PDPR: variants seen among roughly 807,000 people sequenced by gnomAD.
PDPR encodes the protein pyruvate dehydrogenase phosphatase regulatory subunit, mitochondrial.
A neutral mutation model predicts 102.2 loss-of-function variants in PDPR; 50 were observed. The ratio of observed to expected loss-of-function variants is 0.49; its 90% CI spans 0.39 to 0.62. The LOEUF (loss-of-function observed/expected upper bound fraction) is 0.62. PDPR is among the 20% of genes least tolerant of loss of function. The pLI is 0.00. For synonymous variants in PDPR, 259 were observed against 406.0 expected (o/e 0.64, Z 4.35); for missense variants, 625 against 1,098.2 (o/e 0.57, Z 6.09).
chr16:70,130,113 T>TA (rs1964386853), intron 6 of PDPR, among the ~76,000 whole-genome samples: 1 of 152,196 alleles, frequency 6.6e-6, no homozygotes, highest in Non-Finnish European at 1.5e-5. Context: ...ACCAACATGG[T>TA]AAAACCCCAT....
At chr16:70,114,703 C>T (rs1386726491) in intron 1 of PDPR, 118 bp from the exon 2 acceptor site, 2 of 152,474 alleles carry the variant, frequency 1.3e-5, no homozygotes, top group Admixed American at 6.5e-5. Context: ...GGAGCCTGCA[C>T]TTCAGCCCCG....
intron 17 of PDPR, among the ~76,000 whole-genome samples, chr16:70,150,158 C>T (rs1188348941): frequency 2.2e-5 from 3 of 139,070 alleles, no homozygotes; most frequent in East Asian, 2.2e-4. Context: ...GGCTGGAGTG[C>T]GATGACATGA....
chr16:70,128,241 T>A (rs1246268309), intron 4 of PDPR, among the ~76,000 whole-genome samples: 1 of 152,344 alleles, frequency 6.6e-6, no homozygotes, highest in Non-Finnish European at 1.5e-5. Context: ...TTTTTCTTTT[T>A]TTTAAAGACA....
Position 70,157,317 on chromosome 16 carries a change from G to C in PDPR, c.*438G>C. On this transcript the variant is annotated 3_prime_UTR_variant, in exon 19 of 19. Transcript: ENST00000288050. ...GCAGCCTATTAGTTCTGGTGGGGTTGCCGTGTGTCGGATGCAGCCCTGAGG... is the reference window on the plus strand; with the variant it reads ...GCAGCCTATTAGTTCTGGTGGGGTTCCCGTGTGTCGGATGCAGCCCTGAGG... 2.5e-6 allele frequency: 1 copy of C among 406,462 alleles called. No homozygotes were observed. The allele number at this position is 406,462 out of a possible 1,614,324, so 25.2% of individuals were successfully genotyped here.
In PDPR at chr16:70,162,536, C is replaced by G. The variant is rs984518711; in HGVS notation, c.*5657C>G. 4 of 152,476 alleles carry G rather than the reference C, an allele frequency of 2.6e-5. No individual in the cohort carries two copies. The highest frequency in any genetic ancestry group is 4.4e-5 in the Non-Finnish European group (3 of 68,158). The allele number at this position is 152,476 out of a possible 1,614,324, so 9.4% of individuals were successfully genotyped here. Reference sequence around the variant, plus strand: ...AATAAACACATTTTAACTACTCTTGCACGGCTGCTTGTGAAATGTTCTTCA... The same window carrying G: ...AATAAACACATTTTAACTACTCTTGGACGGCTGCTTGTGAAATGTTCTTCA... On this transcript the variant is annotated 3_prime_UTR_variant, in exon 19 of 19. Coordinates refer to ENST00000288050, the MANE Select transcript of PDPR (RefSeq NM_017990.5).
In PDPR at chr16:70,134,068, A is replaced by C. The variant is rs2152086560; in HGVS notation, c.997+1768A>C. 2.6e-5 allele frequency among the ~76,000 whole-genome samples: 4 copies of C among 152,338 alleles called. No individual in the cohort carries two copies. The South Asian group carries it at 8.3e-4, about 32-fold the overall frequency. ...CTTTATTCACCTAAAATTATTGCTC[A>C]GATTTTAGGTTTTAGGAGGAGACTT... On this transcript the variant is annotated intron_variant, in intron 9 of 18. Coordinates refer to ENST00000288050, the MANE Select transcript of PDPR (RefSeq NM_017990.5).
At chr16:70,130,343 T>G (rs1324891329) in intron 6 of PDPR, 80 bp from the exon 7 acceptor site, 2 of 1,478,136 alleles carry the variant, frequency 1.4e-6, no homozygotes, top group Non-Finnish European at 1.8e-6. Flanking sequence ...CAGTGTTTCT[T>G]CTGGGTGGAG....
intron 15 of PDPR, chr16:70,145,844 G>A (rs1966198224): frequency 4.2e-6 from 2 of 481,820 alleles, no homozygotes; most frequent in African/African-American, 3.9e-5. Flanking sequence ...GTACTGATTT[G>A]GGGTTGGGGC....
chr16:70,137,046 G>A (rs1160549927), intron 10 of PDPR, among the ~76,000 whole-genome samples: 22 of 149,690 alleles, frequency 1.5e-4, no homozygotes, highest in Admixed American at 1.3e-3. Flanking sequence ...CCGGCCACAA[G>A]TTTTTATTTA....
At chr16:70,126,063 A>G (rs77641538) in intron 3 of PDPR, among the ~76,000 whole-genome samples, 5,240 of 149,884 alleles carry the variant, frequency 0.035, no homozygotes, top group East Asian at 0.2. Flanking sequence ...CATTTATTAT[A>G]TTTTTTCTCT....
rs1323711736 is a variant in PDPR, at chr16:70,156,985, C to A, written c.*106C>A. The A allele has an allele frequency of 1.4e-6, 2 of 1,448,836 alleles. No individual in the cohort carries two copies. Among genetic ancestry groups the A allele is most frequent in the East Asian group, 2.5e-5 (1 of 40,300 alleles). The allele number at this position is 1,448,836 out of a possible 1,614,324, so 89.7% of individuals were successfully genotyped here. A position where few individuals can be genotyped will look rare whatever the true frequency, so the allele number is the denominator to read the frequency against. Reference sequence around the variant, plus strand: ...TCTGTTCCTCTTCTGGAGCCTTTGCCTCCCATCTCTTATCTCCTTGATATA... The same window carrying A: ...TCTGTTCCTCTTCTGGAGCCTTTGCATCCCATCTCTTATCTCCTTGATATA... On this transcript the variant is annotated 3_prime_UTR_variant, in exon 19 of 19. Transcript: ENST00000288050.
Position 70,155,586 on chromosome 16 carries a change from C to T in PDPR, c.2236-889C>T, listed in dbSNP as rs1967065655. On this transcript the variant is annotated intron_variant, in intron 18 of 18. Transcript: ENST00000288050. ...TCTTTTTTTAGTAGAGATGGGGTTTCTCCAGGTTGGTCAGGCTGGTCTCGA... is the reference window on the plus strand; with the variant it reads ...TCTTTTTTTAGTAGAGATGGGGTTTTTCCAGGTTGGTCAGGCTGGTCTCGA... Among the ~76,000 whole-genome samples the T allele has an allele frequency of 2.0e-5, 3 of 152,352 alleles. No homozygotes were observed. In the South Asian group the frequency reaches 6.2e-4, roughly 32 times the overall value.
Position 70,114,432 on chromosome 16 carries a change from A to G in PDPR, c.-151A>G, listed in dbSNP as rs4985396. 58,310 of 151,660 alleles carry G rather than the reference A, an allele frequency of 0.38. 11,341 individuals are homozygous for G. The highest frequency in any genetic ancestry group is 0.39 in the Non-Finnish European group (26,457 of 67,860). 9.4% of individuals were successfully genotyped at this position (151,660 alleles called of 1,614,324 possible). On this transcript the variant is annotated 5_prime_UTR_variant, in exon 1 of 19. Transcript: ENST00000288050. ...GTAGCTGAGCGCGGAGCCCGTGGGG[A>G]CCGGTGAGGTAAGGAGATAGCTTCG...
rs1214027102 is a variant in PDPR at position 70,159,308 on chromosome 16, G to T, written c.*2429G>T. 6.6e-6 allele frequency: 1 copy of T among 152,390 alleles called. No homozygotes were observed. The highest frequency in any genetic ancestry group is 6.5e-5 in the Admixed American group (1 of 15,282). 9.4% of individuals were successfully genotyped at this position (152,390 alleles called of 1,614,324 possible). Reference sequence around the variant, plus strand: ...CCTGACCTCCTGTTAAATGACATCAGTTTCCCCCTCTGAGCAACAGACTGC... The same window carrying T: ...CCTGACCTCCTGTTAAATGACATCATTTTCCCCCTCTGAGCAACAGACTGC... On this transcript the variant is annotated 3_prime_UTR_variant, in exon 19 of 19. Coordinates refer to ENST00000288050, the MANE Select transcript of PDPR (RefSeq NM_017990.5).
At chr16:70,118,832 T>C (rs1436337170) in intron 2 of PDPR, among the ~76,000 whole-genome samples, 1 of 151,888 alleles carries the variant, frequency 6.6e-6, no homozygotes, top group Non-Finnish European at 1.5e-5. Context: ...GCCAAGACAA[T>C]TTGTCTCCAG....
intron 9 of PDPR, among the ~76,000 whole-genome samples, chr16:70,134,994 T>A (rs1353967781): frequency 6.6e-6 from 1 of 152,108 alleles, no homozygotes; most frequent in Admixed American, 6.6e-5. Context: ...GAGGCCAAGA[T>A]GGGAGGATCA....
At chr16:70,120,277 C>G (rs2067116303) in intron 2 of PDPR, 184 bp from the exon 3 acceptor site, 2 of 507,696 alleles carry the variant, frequency 3.9e-6, no homozygotes, top group Non-Finnish European at 7.2e-6. Context: ...GTCTCGATCT[C>G]CTGACCTCGT....
intron 10 of PDPR, among the ~76,000 whole-genome samples, chr16:70,138,249 G>T (rs62050971): frequency 1.6e-5 from 2 of 123,450 alleles, no homozygotes; most frequent in Non-Finnish European, 3.2e-5. Flanking sequence ...TTGGGGTTTC[G>T]CTCTTGTTGC....
Position 70,150,967 on chromosome 16 carries a change from C to T in PDPR, c.2052+2414C>T, listed in dbSNP as rs528759942. ...TTTTTTGTTTTTAGACGGAGCCTCC[C>T]ACTGTCGCCCAGGCTGGAGTGTAGT... On this transcript the variant is annotated intron_variant, in intron 17 of 18. Coordinates refer to ENST00000288050, the MANE Select transcript of PDPR (RefSeq NM_017990.5). 1.6e-3 allele frequency among the ~76,000 whole-genome samples: 247 copies of T among 152,308 alleles called. 1 individual carries two copies. Among genetic ancestry groups the T allele is most frequent in the African/African-American group, 5.4e-3 (226 of 41,538 alleles).
Sources: gnomAD v4.1 joint callset for allele counts (sites outside exome capture counted in the v4.1 genomes callset) on GRCh38, gnomAD v4.1.1 for gene constraint, MANE v1.5 for transcripts, NCBI Gene and HGNC (gene_info 2026-07-23, HGNC 2026-07-21) for gene names.